SIPA1L3: variants seen among roughly 807,000 people sequenced by gnomAD.
SIPA1L3 encodes signal induced proliferation associated 1 like 3, also known as signal-induced proliferation-associated 1-like protein 3.
In SIPA1L3, 59 loss-of-function variants were observed where a neutral mutation model predicts 150.1. The observed-to-expected ratio is 0.39, with a 90% CI of 0.32 to 0.49. The LOEUF is 0.49. SIPA1L3 is among the 20% of genes least tolerant of loss of function. The pLI is 0.86. For synonymous variants in SIPA1L3, 1,070 were observed against 1,077.6 expected (o/e 0.99, Z 0.14); for missense variants, 2,211 against 2,489.5 (o/e 0.89, Z 2.38).
intron 9 of SIPA1L3, among the ~76,000 whole-genome samples, chr19:38,129,400 C>T (rs1971256651): frequency 6.6e-6 from 1 of 151,352 alleles, no homozygotes; most frequent in East Asian, 2.0e-4. Context: ...CCGAGGCGGG[C>T]AGATCATGAG....
At chr19:38,003,589 T>C (rs374390832) in intron 1 of SIPA1L3, among the ~76,000 whole-genome samples, 25 of 152,322 alleles carry the variant, frequency 1.6e-4, no homozygotes, top group East Asian at 9.6e-4. Context: ...TTCCCAGCTG[T>C]AAATACAGAC....
At chr19:37,963,425 G>A (rs915458863) in intron 1 of SIPA1L3, among the ~76,000 whole-genome samples, 2 of 152,246 alleles carry the variant, frequency 1.3e-5, no homozygotes, top group African/African-American at 4.8e-5. Context: ...CTACAGGCCT[G>A]CTGCTGGCTC....
chr19:38,123,273 GT>G (rs1204866999), intron 9 of SIPA1L3, among the ~76,000 whole-genome samples: 1 of 139,414 alleles, frequency 7.2e-6, no homozygotes, highest in African/African-American at 3.0e-5. Context: ...TGTTTTTTTT[GT>G]TTTTTTTTTA....
At chr19:38,163,600 C>G (rs1972141690) in intron 14 of SIPA1L3, among the ~76,000 whole-genome samples, 1 of 151,774 alleles carries the variant, frequency 6.6e-6, no homozygotes, top group South Asian at 2.1e-4. Context: ...GAGCGGAAAC[C>G]TTGAGTGAAG....
intron 1 of SIPA1L3, among the ~76,000 whole-genome samples, chr19:37,941,046 G>A (rs2046650150): frequency 1.3e-5 from 2 of 150,554 alleles, no homozygotes; most frequent in African/African-American, 4.9e-5. Flanking sequence ...GATTTGCAGA[G>A]TAGGTGAATT....
intron 4 of SIPA1L3, among the ~76,000 whole-genome samples, chr19:38,096,680 C>G (rs904079849): frequency 6.6e-6 from 1 of 152,116 alleles, no homozygotes; most frequent in African/African-American, 2.4e-5. Flanking sequence ...TGGTGGCCAG[C>G]AGCATGCTGT....
chr19:37,967,905 C>T (rs747873572), intron 1 of SIPA1L3, among the ~76,000 whole-genome samples: 7 of 152,064 alleles, frequency 4.6e-5, no homozygotes, highest in African/African-American at 1.2e-4. Flanking sequence ...GCGATCCACC[C>T]GCCTCAGCCT....
intron 1 of SIPA1L3, among the ~76,000 whole-genome samples, chr19:38,007,184 G>T (rs1169652315): frequency 6.6e-6 from 1 of 152,206 alleles, no homozygotes; most frequent in East Asian, 1.9e-4. Flanking sequence ...TGGGCACGGT[G>T]GCTGACGCCT....
At position 38,070,191 on chromosome 19, in the gene SIPA1L3, C is replaced by CCTATCTATCTAT. The variant is rs10546386; in HGVS notation, c.-310-11044_-310-11033dup. ...CCTCCCAACTATAGTGATCTTCAGT[C>CCTATCTATCTAT]CTATCTATCTATCTATCTATCTATC... On this transcript the variant is annotated intron_variant, in intron 2 of 21. Coordinates refer to ENST00000222345, the MANE Select transcript of SIPA1L3 (RefSeq NM_015073.3). Among the ~76,000 whole-genome samples, 977 of 148,828 alleles carry CCTATCTATCTAT rather than the reference C, an allele frequency of 6.6e-3. 9 individuals are homozygous for CCTATCTATCTAT. Among genetic ancestry groups the CCTATCTATCTAT allele is most frequent in the African/African-American group, 0.017 (683 of 39,962 alleles).
At position 38,090,257 on chromosome 19, in the gene SIPA1L3, G is replaced by A. The variant is rs527687748; in HGVS notation, c.1665+1406G>A. On this transcript the variant is annotated intron_variant, in intron 4 of 21. Coordinates refer to ENST00000222345, the MANE Select transcript of SIPA1L3 (RefSeq NM_015073.3). The stretch of plus-strand genomic sequence containing the variant: ...AGACAGGAGAATTGCTTGAACCCGG[G>A]AGGCAGAGGTTGCAGTGAGCTGAGA... Among the ~76,000 whole-genome samples the A allele has an allele frequency of 5.3e-5, 8 of 151,470 alleles. No homozygotes were observed. The South Asian group carries it at 1.7e-3, about 32-fold the overall frequency.
In SIPA1L3 at chr19:38,152,880, C is replaced by G; in HGVS notation, c.3574C>G (p.His1192Asp). 3 of 1,613,812 alleles carry G rather than the reference C, an allele frequency of 1.9e-6. No individual in the cohort carries two copies. Among genetic ancestry groups the G allele is most frequent in the Non-Finnish European group, 2.5e-6 (3 of 1,179,870 alleles). ...ACACCCCCTGCTATCTCTTGATCCC[C>G]ACTTCAGCCACGATGGGACGTCCAG... The part of the protein sequence containing the change: ...APHPLLSLDP[H>D]FSHDGTSSGD... Residue 1192 changes from histidine (H) to aspartate (D), a missense_variant, in exon 13 of 22, where the codon CAC (histidine) becomes GAC (aspartate). Physicochemically the swap from His to Asp is moderately conservative, Grantham distance 81. Around this residue, in one of 5 missense-constraint regions of SIPA1L3, gnomAD observed 806 missense variants for 870.1 expected, o/e 0.93. Coordinates refer to ENST00000222345, the MANE Select transcript of SIPA1L3 (RefSeq NM_015073.3).
chr19:38,127,059 G>T (rs1316124303), intron 9 of SIPA1L3, among the ~76,000 whole-genome samples: 1 of 152,136 alleles, frequency 6.6e-6, no homozygotes, highest in African/African-American at 2.4e-5. Flanking sequence ...GGGTGTGGTG[G>T]CGCATGCCTG....
chr19:38,049,779 G>A (rs777940931), intron 2 of SIPA1L3, among the ~76,000 whole-genome samples: 3 of 152,048 alleles, frequency 2.0e-5, no homozygotes, highest in Non-Finnish European at 4.4e-5. Flanking sequence ...GCGTTCCCCC[G>A]AGAGCACAGG....
intron 1 of SIPA1L3, among the ~76,000 whole-genome samples, chr19:37,993,937 T>C (rs1182776153): frequency 2.6e-5 from 4 of 152,134 alleles, no homozygotes; most frequent in African/African-American, 9.7e-5. Flanking sequence ...CTCTGTCGCC[T>C]AGGCTGGAGA....
chr19:38,175,982 C>T lies in SIPA1L3; in HGVS notation c.4209-6537C>T, dbSNP rs537616555. ...CAGCACTTTGGGAGGCCGAGGCGGG[C>T]GGATCATGAGGTCAGAAGTTCAAGA... is the stretch of plus-strand genomic sequence containing the variant. On this transcript the variant is annotated intron_variant, in intron 15 of 21. Coordinates refer to ENST00000222345, the MANE Select transcript of SIPA1L3 (RefSeq NM_015073.3). Among the ~76,000 whole-genome samples the T allele has an allele frequency of 3.3e-5, 5 of 152,136 alleles. No individual in the cohort carries two copies. The East Asian group carries it at 7.8e-4, about 24-fold the overall frequency.
At chr19:37,948,756 T>C (rs1050694221) in intron 1 of SIPA1L3, among the ~76,000 whole-genome samples, 1 of 152,088 alleles carries the variant, frequency 6.6e-6, no homozygotes, top group African/African-American at 2.4e-5. Flanking sequence ...CGTAATGTTA[T>C]GTAGTGAGAA....
intron 1 of SIPA1L3, among the ~76,000 whole-genome samples, chr19:38,002,487 C>T (rs181160134): frequency 6.6e-6 from 1 of 152,100 alleles, no homozygotes; most frequent in East Asian, 1.9e-4. Context: ...GTAATCCCAG[C>T]ACTTTGGGAG....
At chr19:38,091,870 C>G (rs1401846459) in intron 4 of SIPA1L3, among the ~76,000 whole-genome samples, 2 of 151,466 alleles carry the variant, frequency 1.3e-5, no homozygotes, top group African/African-American at 4.9e-5. Context: ...CCAGACTGGC[C>G]AACATGGCGA....
chr19:38,076,994 A>G (rs1455908982), intron 2 of SIPA1L3, among the ~76,000 whole-genome samples: 13 of 152,216 alleles, frequency 8.5e-5, no homozygotes, highest in Admixed American at 7.9e-4. Context: ...ATGGCAACCT[A>G]AAGCAAAAGG....
Sources: gnomAD v4.1 joint callset for allele counts (sites outside exome capture counted in the v4.1 genomes callset) on GRCh38, gnomAD v4.1.1 for gene constraint, gnomAD v4.1.1 regional missense constraint, MANE v1.5 for transcripts, NCBI Gene and HGNC (gene_info 2026-07-23, HGNC 2026-07-21) for gene names.